The following MIA2 variants were observed in gnomAD, a reference collection of about 807,000 sequenced individuals.
The protein encoded by MIA2 is melanoma inhibitory activity protein 2.
MIA2 carries 127 observed loss-of-function variants against 167.8 expected under a neutral mutation model. The observed-to-expected ratio is 0.76, with a 90% CI of 0.66 to 0.88. MIA2 has a LOEUF of 0.88. Ranked by LOEUF, MIA2 falls within the 40% of genes least tolerant of loss-of-function variation. The probability of loss-of-function intolerance (pLI) is 0.00; values close to 1 mark genes in which losing one functional copy is unlikely to be tolerated. For missense variants in MIA2, 1,690 were observed against 1,624.7 expected, an observed-to-expected ratio of 1.04 and a Z score of -0.69; for synonymous variants, 552 against 541.9, an observed-to-expected ratio of 1.02 and a Z score of -0.26.
chr14:39,346,007 GC>G lies in MIA2; in HGVS notation c.3761del (p.Pro1254LeufsTer28). On this transcript the variant is annotated frameshift_variant, in exon 26 of 29. Coordinates refer to ENST00000640607, the MANE Select transcript of MIA2 (RefSeq NM_001329214.4). LOFTEE classifies it high-confidence loss of function. ...CAGCAGAACTCAGAAGTTTTAATAT[GC>G]CTTCTTTGGATAAAATGGGTAAGAA... ...GPAELRSFNM[P>X]SLDKMDGSMP... The G allele has an allele frequency of 1.9e-6, 3 of 1,612,410 alleles. No homozygotes were observed. The highest frequency in any genetic ancestry group is 2.5e-6 in the Non-Finnish European group (3 of 1,178,810).
intron 4 of MIA2, among the ~76,000 whole-genome samples, chr14:39,251,209 A>G (rs941701201): frequency 1.3e-5 from 2 of 152,174 alleles, no homozygotes; most frequent in Admixed American, 6.5e-5. Flanking sequence ...AAACTAACAT[A>G]TTGATTTAGG....
chr14:39,346,185 GT>G (rs1309136875), intron 26 of MIA2, among the ~76,000 whole-genome samples, 159 bp downstream of exon 26: 3 of 152,102 alleles, frequency 2.0e-5, no homozygotes, highest in African/African-American at 7.2e-5. Flanking sequence ...TTGTTATATT[GT>G]ACACAGACAT....
intron 13 of MIA2, among the ~76,000 whole-genome samples, chr14:39,298,551 TTTTGTGAGCAACATGGC>T (rs1362448948): frequency 2.1e-5 from 3 of 141,302 alleles, no homozygotes; most frequent in Non-Finnish European, 3.1e-5. Flanking sequence ...TTTTTTTTTT[TTTTGTGAGCAACATGGC>T]TGTTTATTTC....
chr14:39,279,540 A>T lies in MIA2; in HGVS notation c.2130+3A>T. ...AATTTAGCCTTGTTCAAAAAGAGGTAAGATATTTTTGAAAATAATATTCAT... is the reference window on the plus strand; with the variant it reads ...AATTTAGCCTTGTTCAAAAAGAGGTTAGATATTTTTGAAAATAATATTCAT... On this transcript the variant is annotated splice_donor_region_variant and intron_variant, in intron 9 of 28. Transcript: ENST00000640607. The T allele has an allele frequency of 6.4e-7, 1 of 1,571,324 alleles. No homozygotes were observed. Among genetic ancestry groups the T allele is most frequent in the East Asian group, 2.2e-5 (1 of 44,566 alleles).
chr14:39,281,261 T>C (rs1425777548), intron 9 of MIA2, among the ~76,000 whole-genome samples: 2 of 152,154 alleles, frequency 1.3e-5, no homozygotes, highest in Non-Finnish European at 1.5e-5. Flanking sequence ...TTGTTACTTT[T>C]CCACATATTG....
downstream of MIA2, among the ~76,000 whole-genome samples, chr14:39,353,585 T>C (rs1375118985): frequency 6.6e-6 from 1 of 152,210 alleles, no homozygotes; most frequent in Non-Finnish European, 1.5e-5. Context: ...TGTTTTTTTA[T>C]TATACTTCAA....
At chr14:39,309,755 A>G (rs2063902450) in intron 18 of MIA2, among the ~76,000 whole-genome samples, 1 of 152,202 alleles carries the variant, frequency 6.6e-6, no homozygotes, top group Non-Finnish European at 1.5e-5. Context: ...CAGTGCCTAA[A>G]GCTACATGAG....
rs918420829 is a variant in MIA2 at position 39,317,276 on chromosome 14, G to C, written c.3217-668G>C. On this transcript the variant is annotated intron_variant, in intron 21 of 28. Coordinates refer to ENST00000640607, the MANE Select transcript of MIA2 (RefSeq NM_001329214.4). The stretch of plus-strand genomic sequence containing the variant: ...GTAGAGGGAATGAAAGTGACACTGA[G>C]CAGTAGCTTGTCACACGCTCCAGAG... Among the ~76,000 whole-genome samples, 3 of 152,178 alleles carry C rather than the reference G, an allele frequency of 2.0e-5. No homozygotes were observed. The South Asian group carries it at 6.2e-4, about 32-fold the overall frequency.
intron 25 of MIA2, among the ~76,000 whole-genome samples, chr14:39,328,039 C>A (rs964515240): frequency 6.6e-6 from 1 of 152,182 alleles, no homozygotes; most frequent in African/African-American, 2.4e-5. Context: ...CTTGAGGAAT[C>A]GCCACACTGT....
chr14:39,269,102 T>TTTTTTTA, intron 6 of MIA2: 2 of 888,762 alleles, frequency 2.3e-6, no homozygotes, highest in Non-Finnish European at 1.3e-6. Flanking sequence ...TTTTTTTTGC[T>TTTTTTTA]AAATGCGAGT....
intron 25 of MIA2, among the ~76,000 whole-genome samples, chr14:39,327,592 T>G (rs1188255710): frequency 3.3e-5 from 5 of 151,108 alleles, no homozygotes; most frequent in Non-Finnish European, 7.4e-5. Flanking sequence ...CTACATTAGG[T>G]GTTTCTCCTA....
intron 23 of MIA2, among the ~76,000 whole-genome samples, chr14:39,368,600 A>C (rs577810391): frequency 4.6e-4 from 70 of 151,414 alleles, no homozygotes; most frequent in Non-Finnish European, 7.4e-4. Flanking sequence ...AAATTCTGGG[A>C]ATTTTTTTTT....
chr14:39,303,429 A>G (rs1316591291), intron 15 of MIA2, 49 bp from the exon 16 acceptor site: 8 of 1,373,424 alleles, frequency 5.8e-6, no homozygotes, highest in South Asian at 2.4e-5. Context: ...CTATTGTCGT[A>G]TTGTACTATT....
intron 7 of MIA2, 72 bp downstream of exon 7, chr14:39,277,137 A>G (rs2058116989): frequency 6.6e-6 from 10 of 1,515,502 alleles, no homozygotes; most frequent in Non-Finnish European, 8.9e-6. Context: ...TGAGAAACAT[A>G]TTTGTTATTT....
intron 6 of MIA2, chr14:39,269,149 C>G: frequency 2.7e-6 from 2 of 740,596 alleles, no homozygotes; most frequent in Non-Finnish European, 3.2e-6. Flanking sequence ...CAACATTGTT[C>G]CGCTTTAAAT....
chr14:39,242,233 GT>G lies in MIA2; in HGVS notation c.336+1587del, dbSNP rs1306951373. ...GTTTGAAAATTAAAAATAAAAACCA[GT>G]GCCTTGGAGAGGCCTTCCATGATGA... On this transcript the variant is annotated intron_variant, in intron 3 of 28. Coordinates refer to ENST00000640607, the MANE Select transcript of MIA2 (RefSeq NM_001329214.4). Among the ~76,000 whole-genome samples, 7 of 152,152 alleles carry G rather than the reference GT, an allele frequency of 4.6e-5. No individual in the cohort carries two copies. In the South Asian group the frequency reaches 8.3e-4, roughly 18 times the overall value.
At chr14:39,275,234 A>C (rs757440020) in intron 6 of MIA2, among the ~76,000 whole-genome samples, 14 of 149,774 alleles carry the variant, frequency 9.3e-5, no homozygotes, top group Non-Finnish European at 1.8e-4. Context: ...TTTGCCTCCC[A>C]GGTTCAAGTG....
rs747843425 is a variant in MIA2 at position 39,350,366 on chromosome 14, T to C, written c.*102T>C. ...TTACACTTTTGCTCAAATTGAAGCTTAATGGAATTATAATTCTCAGGATAG... is the reference window on the plus strand; with the variant it reads ...TTACACTTTTGCTCAAATTGAAGCTCAATGGAATTATAATTCTCAGGATAG... On this transcript the variant is annotated 3_prime_UTR_variant, in exon 29 of 29. Transcript: ENST00000640607. The C allele has an allele frequency of 1.7e-5, 9 of 542,154 alleles. No homozygotes were observed. Among genetic ancestry groups the C allele is most frequent in the Non-Finnish European group, 2.6e-5 (8 of 304,216 alleles). The allele number at this position is 542,154 out of a possible 1,614,324, so 33.6% of individuals were successfully genotyped here.
At chr14:39,358,395 C>T (rs986470925) in intron 23 of MIA2, among the ~76,000 whole-genome samples, 1 of 152,170 alleles carries the variant, frequency 6.6e-6, no homozygotes, top group South Asian at 2.1e-4. Context: ...CCATGGTGTT[C>T]AGTTCCATCA....
Sources: allele counts gnomAD v4.1 joint callset (sites outside exome capture counted in the v4.1 genomes callset), GRCh38; gene constraint gnomAD v4.1.1; transcripts MANE v1.5; gene names NCBI Gene and HGNC (gene_info 2026-07-23, HGNC 2026-07-21).